B3GALT1: variants seen among roughly 807,000 people sequenced by gnomAD.
The protein encoded by B3GALT1 is beta-1,3-galactosyltransferase 1.
Under a neutral mutation model 23.2 loss-of-function variants are expected in B3GALT1, and 10 were observed. That is an observed-to-expected ratio of 0.43 (90% CI 0.27 to 0.73). The LOEUF (loss-of-function observed/expected upper bound fraction) is 0.73, where lower values mean the gene tolerates loss of function less well. Among genes scored for constraint, B3GALT1 ranks in the 30% least tolerant of loss-of-function variants. The pLI, the probability that B3GALT1 is intolerant of heterozygous loss-of-function variation, is 0.21. For synonymous variants in B3GALT1, 156 were observed against 141.5 expected, an observed-to-expected ratio of 1.10 and a Z score of -0.73; for missense variants, 299 against 405.4, an observed-to-expected ratio of 0.74 and a Z score of 2.25.
At chr2:167,761,144 G>T (rs891805014) in intron 3 of B3GALT1, among the ~76,000 whole-genome samples, 1 of 152,190 alleles carries the variant, frequency 6.6e-6, no homozygotes, top group Non-Finnish European at 1.5e-5. Flanking sequence ...ATCACGTAGT[G>T]ATAGTTTAGC....
At chr2:167,829,419 G>C (rs58055641) in intron 4 of B3GALT1, among the ~76,000 whole-genome samples, 1 of 151,422 alleles carries the variant, frequency 6.6e-6, no homozygotes, top group Non-Finnish European at 1.5e-5. Flanking sequence ...GGAGGCGGAG[G>C]TTACAGGGAG....
chr2:167,767,484 T>C (rs1481762493), intron 3 of B3GALT1, among the ~76,000 whole-genome samples: 1 of 152,222 alleles, frequency 6.6e-6, no homozygotes, highest in East Asian at 1.9e-4. Context: ...TGGGGCTCTT[T>C]TCAAACTGCT....
chr2:167,841,871 T>C (rs1438437170), intron 4 of B3GALT1, among the ~76,000 whole-genome samples: 2 of 152,202 alleles, frequency 1.3e-5, no homozygotes, highest in African/African-American at 4.8e-5. Flanking sequence ...AGAAAGACTA[T>C]ATTTAAGTAA....
chr2:167,538,870 G>C lies in B3GALT1; in HGVS notation c.-410+48593G>C, dbSNP rs546684189. On this transcript the variant is annotated intron_variant, in intron 2 of 4. Transcript: ENST00000392690. ...AAACTATGCCTGCTTCTAGAGTGCT[G>C]ATAGGTAATACAGTGTTTAAAAATG... is the stretch of plus-strand genomic sequence containing the variant. Among the ~76,000 whole-genome samples, 16 of 152,048 alleles carry C rather than the reference G, an allele frequency of 1.1e-4. No individual in the cohort carries two copies. In the South Asian group the frequency reaches 3.3e-3, roughly 32 times the overall value.
At chr2:167,614,283 A>G (rs1043591317) in intron 2 of B3GALT1, among the ~76,000 whole-genome samples, 1 of 150,960 alleles carries the variant, frequency 6.6e-6, no homozygotes, top group African/African-American at 2.4e-5. Flanking sequence ...AAGAAAATGA[A>G]AAAAAAAACC....
At chr2:167,565,829 T>G (rs1239013) in intron 2 of B3GALT1, among the ~76,000 whole-genome samples, 79,489 of 150,730 alleles carry the variant, frequency 0.53, 24,341 homozygotes, top group East Asian at 0.98. Flanking sequence ...TAGAATGGCA[T>G]TCATTAAAAA....
intron 4 of B3GALT1, among the ~76,000 whole-genome samples, chr2:167,830,128 A>G (rs1689316457): frequency 6.6e-6 from 1 of 152,172 alleles, no homozygotes; most frequent in African/African-American, 2.4e-5. Flanking sequence ...GTTCTCGCCA[A>G]TGCCCACCAG....
At chr2:167,319,349 A>T (rs1242586234) in intron 1 of B3GALT1, among the ~76,000 whole-genome samples, 1 of 152,086 alleles carries the variant, frequency 6.6e-6, no homozygotes, top group Non-Finnish European at 1.5e-5. Context: ...GATAGCTGAA[A>T]TTCCTTTCTA....
At chr2:167,308,994 C>T (rs1696593022) in intron 1 of B3GALT1, among the ~76,000 whole-genome samples, 1 of 152,026 alleles carries the variant, frequency 6.6e-6, no homozygotes. Context: ...GGCAACTTTA[C>T]CAGTTGCAAA....
At chr2:167,452,421 T>A (rs1174344428) in intron 1 of B3GALT1, among the ~76,000 whole-genome samples, 4 of 152,178 alleles carry the variant, frequency 2.6e-5, no homozygotes, top group Non-Finnish European at 5.9e-5. Context: ...TAAATTTGTC[T>A]CAGCTCCAGG....
intron 4 of B3GALT1, among the ~76,000 whole-genome samples, chr2:167,858,778 A>C (rs749466017): frequency 6.6e-6 from 1 of 152,204 alleles, no homozygotes; most frequent in Non-Finnish European, 1.5e-5. Context: ...TCAATATTAT[A>C]TAAAGGAACA....
At chr2:167,778,380 T>G (rs535173408) in intron 3 of B3GALT1, among the ~76,000 whole-genome samples, 24 of 152,236 alleles carry the variant, frequency 1.6e-4, no homozygotes, top group Non-Finnish European at 5.9e-5. Flanking sequence ...TTGTCTTCTA[T>G]TCTTCTATCT....
chr2:167,605,140 C>T (rs1684940845), intron 2 of B3GALT1, among the ~76,000 whole-genome samples: 1 of 152,176 alleles, frequency 6.6e-6, no homozygotes, highest in Non-Finnish European at 1.5e-5. Flanking sequence ...CAGTGTGGGA[C>T]ATACTGTCCC....
At chr2:167,368,034 T>C (rs1389736338) in intron 1 of B3GALT1, among the ~76,000 whole-genome samples, 1 of 152,190 alleles carries the variant, frequency 6.6e-6, no homozygotes, top group Non-Finnish European at 1.5e-5. Context: ...GCTCCTTCCT[T>C]TAGCAGCCAG....
chr2:167,563,125 C>T (rs1011503226), intron 2 of B3GALT1, among the ~76,000 whole-genome samples: 23 of 152,224 alleles, frequency 1.5e-4, no homozygotes, highest in African/African-American at 3.9e-4. Context: ...TCCACAAAAC[C>T]GCCATTGTCA....
intron 3 of B3GALT1, chr2:167,715,192 C>G (rs1687123800): frequency 6.2e-7 from 1 of 1,613,830 alleles, no homozygotes; most frequent in South Asian, 1.1e-5. Flanking sequence ...CTTCTAATTC[C>G]AAGTTATCAT....
intron 3 of B3GALT1, chr2:167,713,600 C>T: frequency 1.0e-6 from 1 of 994,194 alleles, no homozygotes; most frequent in Non-Finnish European, 1.5e-6. Context: ...ACAGCAGTTA[C>T]TTAAACTGAA....
At chr2:167,635,289 C>A (rs1442054770) in intron 2 of B3GALT1, among the ~76,000 whole-genome samples, 1 of 152,088 alleles carries the variant, frequency 6.6e-6, no homozygotes, top group Non-Finnish European at 1.5e-5. Flanking sequence ...AAAACCGGCA[C>A]AAGACAACGA....
intron 3 of B3GALT1, among the ~76,000 whole-genome samples, chr2:167,679,210 C>A (rs1311501772): frequency 6.6e-5 from 10 of 152,186 alleles, no homozygotes. Context: ...CCTCCGCCTC[C>A]CGGGTTCAAG....
Sources: gnomAD v4.1 joint callset for allele counts (sites outside exome capture counted in the v4.1 genomes callset) on GRCh38, gnomAD v4.1.1 for gene constraint, MANE v1.5 for transcripts, NCBI Gene and HGNC (gene_info 2026-07-23, HGNC 2026-07-21) for gene names.